The following COL18A1 variants were observed in gnomAD, a reference collection of about 807,000 sequenced individuals.
COL18A1 encodes the protein collagen type XVIII alpha 1 chain.
A neutral mutation model predicts 168.0 loss-of-function variants in COL18A1; 133 were observed. The ratio of observed to expected loss-of-function variants is 0.79; its 90% CI spans 0.69 to 0.91. COL18A1 has a LOEUF of 0.91. Ranked by LOEUF, COL18A1 falls within the 40% of genes least tolerant of loss-of-function variation. The pLI, the probability that COL18A1 is intolerant of heterozygous loss-of-function variation, is 0.00. For missense variants in COL18A1, 2,126 were observed against 1,925.4 expected (o/e 1.10, Z -1.95); for synonymous variants, 949 against 809.0 (o/e 1.17, Z -2.94).
intron 15 of COL18A1, among the ~76,000 whole-genome samples, chr21:45,484,365 CAT>C (rs1322750538): frequency 1.5e-5 from 2 of 136,848 alleles, no homozygotes; most frequent in African/African-American, 2.7e-5. Flanking sequence ...TGCGCACACA[CAT>C]ACACGCACAC....
chr21:45,442,232 G>A (rs1179498640), intron 2 of COL18A1, among the ~76,000 whole-genome samples: 1 of 152,204 alleles, frequency 6.6e-6, no homozygotes, highest in Non-Finnish European at 1.5e-5. Context: ...GTGCACGTGA[G>A]GAAACCCTGC....
intron 2 of COL18A1, among the ~76,000 whole-genome samples, chr21:45,407,017 G>A (rs1318880364): frequency 6.6e-6 from 1 of 152,194 alleles, no homozygotes; most frequent in Non-Finnish European, 1.5e-5. Context: ...ATGGAATGTG[G>A]AAGGCGGGTG....
In COL18A1 at chr21:45,507,561, C is replaced by T. The variant is rs756868239; in HGVS notation, c.3217C>T (p.Leu1073=). Residue 1073 remains leucine (L), a splice_region_variant and synonymous_variant, in exon 38 of 42, where the codon CTG becomes TTG. Transcript: ENST00000651438. ...GGGTGACCCTGCTGCTTTCTTCCAG[C>T]TGGAGGCCCGGACACCACTCCCACG... ...RVQNGFRKVQ[L]EARTPLPRGT... 9 of 1,612,896 alleles carry T rather than the reference C, an allele frequency of 5.6e-6. No homozygotes were observed. The East Asian group carries it at 2.0e-4, about 36-fold the overall frequency.
rs1447223208 is a variant in COL18A1 at position 45,511,641 on chromosome 21, C to T, written c.3809+415C>T. ...GAAATTTCCAGGGTATCTAGAAGAACGCTTCGTCCCAAATGTCGCTGTGCC... is the reference window on the plus strand; with the variant it reads ...GAAATTTCCAGGGTATCTAGAAGAATGCTTCGTCCCAAATGTCGCTGTGCC... On this transcript the variant is annotated intron_variant, in intron 41 of 41. Transcript: ENST00000651438. 8.5e-5 allele frequency among the ~76,000 whole-genome samples: 13 copies of T among 152,226 alleles called. No homozygotes were observed. The East Asian group carries it at 9.7e-4, about 11-fold the overall frequency.
At chr21:45,450,196 G>A (rs956580759) in intron 2 of COL18A1, among the ~76,000 whole-genome samples, 2 of 152,162 alleles carry the variant, frequency 1.3e-5, no homozygotes, top group African/African-American at 4.8e-5. Context: ...AAGGAGGGGA[G>A]GGAGGCCACA....
At chr21:45,452,702 T>A (rs535970485) in intron 2 of COL18A1, among the ~76,000 whole-genome samples, 40 of 150,222 alleles carry the variant, frequency 2.7e-4, no homozygotes, top group African/African-American at 1.0e-3. Context: ...TGTGAGTTTG[T>A]GTATGCATGA....
chr21:45,421,882 T>C (rs935225961), intron 2 of COL18A1, among the ~76,000 whole-genome samples: 8 of 152,194 alleles, frequency 5.3e-5, no homozygotes, highest in African/African-American at 1.2e-4. Context: ...TCCTGAGCAC[T>C]GTGACTGTGA....
intron 2 of COL18A1, chr21:45,456,245 C>A: frequency 6.3e-7 from 1 of 1,585,676 alleles, no homozygotes; most frequent in Non-Finnish European, 8.6e-7. Flanking sequence ...CCCAGACAGC[C>A]AAGGACTCTC....
At chr21:45,496,462 C>T in intron 29 of COL18A1, 38 bp from the exon 30 acceptor site, 1 of 909,300 alleles carries the variant, frequency 1.1e-6, no homozygotes. Context: ...GCCTGACAGG[C>T]AGGCCATAAG....
intron 8 of COL18A1, 77 bp from the exon 9 acceptor site, chr21:45,478,250 T>C (rs768055585): frequency 6.3e-7 from 1 of 1,584,510 alleles, no homozygotes; most frequent in Non-Finnish European, 8.7e-7. Flanking sequence ...GAGCGTGGGG[T>C]GCATTTCCAT....
At chr21:45,405,829 C>T (rs916143052) in intron 2 of COL18A1, among the ~76,000 whole-genome samples, 4 of 151,668 alleles carry the variant, frequency 2.6e-5, no homozygotes, top group African/African-American at 9.7e-5. Context: ...ACGGCCTCGT[C>T]CCCGCAGCGC....
rs770696109 is a variant in COL18A1 at position 45,507,486 on chromosome 21, C to T, written c.3217-75C>T. 1.0e-3 allele frequency: 460 copies of T among 453,524 alleles called. 1 individual carries two copies. The African/African-American group carries it at 0.011, about 11-fold the overall frequency. 28.1% of individuals were successfully genotyped at this position (453,524 alleles called of 1,614,324 possible). ...GGGCCAGGTGCTGGGGCGGGAGAGT[C>T]GGGTGCTGGGCAGGGAGGGCACCCT... On this transcript the variant is annotated intron_variant, in intron 37 of 41. Coordinates refer to ENST00000651438, the MANE Select transcript of COL18A1 (RefSeq NM_001379500.1).
Position 45,504,442 on chromosome 21 carries a change from A to G in COL18A1, c.2754A>G (p.Ala918=). 2 of 1,611,706 alleles carry G rather than the reference A, an allele frequency of 1.2e-6. No homozygotes were observed. Among genetic ancestry groups the G allele is most frequent in the Non-Finnish European group, 1.7e-6 (2 of 1,179,372 alleles). Residue 918 remains alanine (A), a synonymous_variant, in exon 34 of 42, where the codon GCA becomes GCG. Transcript: ENST00000651438. ...GGGAGAAGGGAGACCGAGGTGATGC[A>G]GGACAGAAAGGCGAAAGGGGGGAGC... ...MKGEKGDRGD[A]GQKGERGEPG...
chr21:45,407,183 C>T (rs1007538571), intron 2 of COL18A1, among the ~76,000 whole-genome samples: 1 of 152,254 alleles, frequency 6.6e-6, no homozygotes, highest in Non-Finnish European at 1.5e-5. Flanking sequence ...AAAACAGTCG[C>T]CCCCTTTAGG....
chr21:45,478,095 C>A (rs2035746889), intron 8 of COL18A1, 130 bp downstream of exon 8: 3 of 738,658 alleles, frequency 4.1e-6, no homozygotes, highest in South Asian at 3.3e-5. Context: ...CCTCCTTAGG[C>A]CCACCGTTGC....
chr21:45,471,374 AT>A lies in COL18A1; in HGVS notation c.652-2519del, dbSNP rs2035423670. On this transcript the variant is annotated intron_variant, in intron 3 of 41. Coordinates refer to ENST00000651438, the MANE Select transcript of COL18A1 (RefSeq NM_001379500.1). This position sits in a 1 kb window ranked among gnomAD's most constrained non-coding sequence, Gnocchi z 4.4. ...GCACAAGATTTTCTCAGACTTCTGA[AT>A]TGAGATACTTGGGAAAGAAACATTC... 6.6e-6 allele frequency among the ~76,000 whole-genome samples: 1 copy of A among 152,234 alleles called. No homozygotes were observed. Among genetic ancestry groups the A allele is most frequent in the Non-Finnish European group, 1.5e-5 (1 of 68,044 alleles).
chr21:45,430,879 G>T (rs376302578), intron 2 of COL18A1, among the ~76,000 whole-genome samples: 2 of 152,332 alleles, frequency 1.3e-5, no homozygotes, highest in African/African-American at 4.8e-5. Context: ...GGGTCAGCTC[G>T]GGAGCAAGGC....
chr21:45,437,302 TCACACAGGCACTCTCCTGCACACACA>T (rs1569287587), intron 2 of COL18A1, among the ~76,000 whole-genome samples: 10 of 29,134 alleles, frequency 3.4e-4, no homozygotes, highest in African/African-American at 6.9e-4. Context: ...ACACACACAC[TCACACAGGCACTCTCCTGCACACACA>T]CACACTCAGA....
intron 4 of COL18A1, among the ~76,000 whole-genome samples, chr21:45,474,397 G>GTA (rs2035559786): frequency 1.3e-5 from 2 of 149,926 alleles, no homozygotes; most frequent in African/African-American, 2.5e-5. Context: ...TTGTATGTGT[G>GTA]TCTCTGGTGT....
Sources: gnomAD v4.1 joint callset for allele counts (sites outside exome capture counted in the v4.1 genomes callset) on GRCh38, gnomAD v4.1.1 for gene constraint, Gnocchi (gnomAD v3.1) non-coding constraint, MANE v1.5 for transcripts, NCBI Gene and HGNC (gene_info 2026-07-23, HGNC 2026-07-21) for gene names.